Variants in PRELID2 observed in about 807,000 individuals in gnomAD.
The protein encoded by PRELID2 is PRELI domain-containing protein 2.
In PRELID2, 25 loss-of-function variants were observed where a neutral mutation model predicts 28.4. The ratio of observed to expected loss-of-function variants is 0.88; its 90% CI spans 0.64 to 1.23. The LOEUF (loss-of-function observed/expected upper bound fraction) is 1.23. Ranked by LOEUF, PRELID2 falls within the 50% of genes most tolerant of loss-of-function variation. PRELID2 has a pLI of 0.00. For synonymous variants in PRELID2, 76 were observed against 71.6 expected, an observed-to-expected ratio of 1.06 and a Z score of -0.31; for missense variants, 201 against 214.4, an observed-to-expected ratio of 0.94 and a Z score of 0.39.
chr5:145,649,178 A>G (rs1754246210), intron 1 of PRELID2, among the ~76,000 whole-genome samples: 1 of 152,228 alleles, frequency 6.6e-6, no homozygotes, highest in Non-Finnish European at 1.5e-5. Context: ...TAGCTATTAT[A>G]AGTAAGCTAG....
chr5:145,825,995 T>G, intron 1 of PRELID2: 1 of 984,404 alleles, frequency 1.0e-6, no homozygotes, highest in Non-Finnish European at 1.2e-6. Context: ...CAGGAACACT[T>G]ACCTGGGAAG....
At chr5:145,511,268 C>T (rs1332453112) in intron 1 of PRELID2, among the ~76,000 whole-genome samples, 1 of 152,156 alleles carries the variant, frequency 6.6e-6, no homozygotes, top group African/African-American at 2.4e-5. Context: ...CCTACAAAGG[C>T]CAAAGAGTTC....
intron 1 of PRELID2, among the ~76,000 whole-genome samples, chr5:145,512,216 G>A (rs1272610946): frequency 6.6e-6 from 1 of 152,152 alleles, no homozygotes; most frequent in Non-Finnish European, 1.5e-5. Flanking sequence ...GATCAACACA[G>A]AAGGCAGGTG....
chr5:145,414,761 T>C, the PRELID2 span, among the ~76,000 whole-genome samples: 2 of 152,204 alleles, frequency 1.3e-5, no homozygotes, highest in Admixed American at 6.6e-5. Flanking sequence ...TCAACCACCA[T>C]ATAAGTATTT....
the PRELID2 span, among the ~76,000 whole-genome samples, chr5:145,395,739 A>G: frequency 6.6e-6 from 1 of 152,168 alleles, no homozygotes; most frequent in African/African-American, 2.4e-5. Flanking sequence ...AAACCACAAA[A>G]AAAACAAAAA....
At chr5:145,525,331 A>C (rs2126654922) in intron 1 of PRELID2, among the ~76,000 whole-genome samples, 1 of 152,324 alleles carries the variant, frequency 6.6e-6, no homozygotes, top group Non-Finnish European at 1.5e-5. Context: ...AGAAATCTCT[A>C]GGAGAATCTG....
At chr5:145,364,111 A>G in the PRELID2 span, among the ~76,000 whole-genome samples, 1 of 152,014 alleles carries the variant, frequency 6.6e-6, no homozygotes, top group African/African-American at 2.4e-5. Flanking sequence ...CTTTTAAATT[A>G]ATGGGTTATC....
At chr5:145,801,965 A>G (rs911136881) in intron 4 of PRELID2, among the ~76,000 whole-genome samples, 4 of 152,114 alleles carry the variant, frequency 2.6e-5, no homozygotes, top group African/African-American at 4.8e-5. Context: ...GTGCCTCCCA[A>G]TGGGGTCCCT....
At chr5:145,558,154 C>G (rs1479316319) in intron 1 of PRELID2, among the ~76,000 whole-genome samples, 1 of 152,220 alleles carries the variant, frequency 6.6e-6, no homozygotes, top group African/African-American at 2.4e-5. Flanking sequence ...CATTTGGTTT[C>G]TGTTCTTAAT....
At chr5:145,705,943 C>CACAT (rs1755535860) in intron 1 of PRELID2, among the ~76,000 whole-genome samples, 1 of 148,198 alleles carries the variant, frequency 6.7e-6, no homozygotes, top group Admixed American at 6.6e-5. Context: ...TGCGCCTACA[C>CACAT]ACACACACAC....
At chr5:145,382,471 A>G in the PRELID2 span, among the ~76,000 whole-genome samples, 1 of 152,054 alleles carries the variant, frequency 6.6e-6, no homozygotes, top group African/African-American at 2.4e-5. Flanking sequence ...AAATCTTGAC[A>G]GAAGCCAGAG....
the PRELID2 span, among the ~76,000 whole-genome samples, chr5:145,350,616 A>C: frequency 6.6e-6 from 1 of 152,190 alleles, no homozygotes; most frequent in Non-Finnish European, 1.5e-5. Context: ...CTAATTTTTC[A>C]TACATGATTT....
the PRELID2 span, among the ~76,000 whole-genome samples, chr5:145,458,232 AC>A: frequency 6.6e-6 from 1 of 152,210 alleles, no homozygotes; most frequent in South Asian, 2.1e-4. Flanking sequence ...TACTCCTTAA[AC>A]TTTTATTTAT....
chr5:145,365,029 G>A, the PRELID2 span, among the ~76,000 whole-genome samples: 7 of 151,934 alleles, frequency 4.6e-5, no homozygotes, highest in Non-Finnish European at 1.0e-4. Flanking sequence ...AAACTGAATT[G>A]AGACTTCTCC....
At chr5:145,532,660 T>C (rs1355534280) in intron 1 of PRELID2, among the ~76,000 whole-genome samples, 1 of 152,120 alleles carries the variant, frequency 6.6e-6, no homozygotes, top group Non-Finnish European at 1.5e-5. Flanking sequence ...TTCTACTCTC[T>C]GCTTCTACAA....
intron 1 of PRELID2, among the ~76,000 whole-genome samples, chr5:145,535,899 TG>T (rs1470554734): frequency 6.6e-6 from 1 of 152,008 alleles, no homozygotes; most frequent in African/African-American, 2.4e-5. Flanking sequence ...TATGTCTGTA[TG>T]GTATTTAAAG....
the PRELID2 span, among the ~76,000 whole-genome samples, chr5:145,316,087 T>C: frequency 1.5e-4 from 23 of 152,304 alleles, no homozygotes; most frequent in African/African-American, 5.3e-4. Flanking sequence ...GTCAGATATG[T>C]AGCTTGAAAT....
intron 1 of PRELID2, among the ~76,000 whole-genome samples, chr5:145,698,289 C>A (rs1468089270): frequency 6.6e-6 from 1 of 152,204 alleles, no homozygotes. Flanking sequence ...AGTATACATT[C>A]ATCACCAATG....
chr5:145,766,000 C>T (rs1235796159), intron 5 of PRELID2, among the ~76,000 whole-genome samples: 8 of 152,170 alleles, frequency 5.3e-5, no homozygotes, highest in Admixed American at 5.2e-4. Flanking sequence ...TTCTACTGTC[C>T]ATACCCACCT....
Sources: allele counts gnomAD v4.1 joint callset (sites outside exome capture counted in the v4.1 genomes callset), GRCh38; gene constraint gnomAD v4.1.1; transcripts MANE v1.5; gene names NCBI Gene and HGNC (gene_info 2026-07-23, HGNC 2026-07-21).